LLGL2: variants seen among roughly 807,000 people sequenced by gnomAD.
LLGL2 encodes the protein LLGL scribble cell polarity complex component 2.
Under a neutral mutation model 123.2 loss-of-function variants are expected in LLGL2, and 81 were observed. The observed-to-expected ratio is 0.66, with a 90% CI of 0.55 to 0.79. LLGL2 has a LOEUF of 0.79. Among genes scored for constraint, LLGL2 ranks in the 30% least tolerant of loss-of-function variants. The pLI is 0.00. For synonymous variants in LLGL2, 577 were observed against 594.1 expected (o/e 0.97, Z 0.42); for missense variants, 1,273 against 1,414.6 (o/e 0.90, Z 1.61).
chr17:75,559,180 T>C lies in LLGL2; in HGVS notation c.372-72T>C. 6.9e-7 allele frequency: 1 copy of C among 1,455,974 alleles called. No individual in the cohort carries two copies. Among genetic ancestry groups the C allele is most frequent in the African/African-American group, 1.4e-5 (1 of 70,272 alleles). 90.2% of individuals were successfully genotyped at this position (1,455,974 alleles called of 1,614,324 possible). A position where few individuals can be genotyped will look rare whatever the true frequency, so the allele number is the denominator to read the frequency against. On this transcript the variant is annotated intron_variant, in intron 5 of 25. Coordinates refer to ENST00000392550, the MANE Select transcript of LLGL2 (RefSeq NM_001031803.2). This position sits in a 1 kb window ranked among gnomAD's most constrained non-coding sequence, Gnocchi z 4.6. ...CCTTATGGGCTTGTTTTCCGAGGAG[T>C]CAGGGGACCCCGTCCATGGCATCTC... is the stretch of plus-strand genomic sequence containing the variant.
At chr17:75,562,844 A>T in intron 6 of LLGL2, 172 bp from the exon 7 acceptor site, 1 of 778,896 alleles carries the variant, frequency 1.3e-6, no homozygotes, top group Non-Finnish European at 2.0e-6. Flanking sequence ...TGCTGGGATT[A>T]CAGGCATGAG....
Position 75,559,820 on chromosome 17 carries a change from C to T in LLGL2, c.530+410C>T, listed in dbSNP as rs1423466764. 6.6e-6 allele frequency among the ~76,000 whole-genome samples: 1 copy of T among 152,146 alleles called. No homozygotes were observed. The highest frequency in any genetic ancestry group is 1.5e-5 in the Non-Finnish European group (1 of 68,020). ...GTACTTTGCTGAGGTTCCATTTGCT[C>T]GCAAGCTCCGTGGCTAAAAAGCCTT... On this transcript the variant is annotated intron_variant, in intron 6 of 25. Transcript: ENST00000392550. This position sits in a 1 kb window ranked among gnomAD's most constrained non-coding sequence, Gnocchi z 4.6.
At position 75,569,151 on chromosome 17, in the gene LLGL2, A is replaced by G; in HGVS notation, c.1476+20A>G. ...CGCAAGGTGAGGCCAGGAGCCTGGG[A>G]CCCAGGAAGGGCAGAGGCCAGCTGG... On this transcript the variant is annotated intron_variant, in intron 13 of 25. Transcript: ENST00000392550. The G allele has an allele frequency of 6.2e-7, 1 of 1,612,932 alleles. No homozygotes were observed. The highest frequency in any genetic ancestry group is 8.5e-7 in the Non-Finnish European group (1 of 1,179,628).
At chr17:75,561,920 C>A (rs1407555865) in intron 6 of LLGL2, among the ~76,000 whole-genome samples, 6 of 150,494 alleles carry the variant, frequency 4.0e-5, no homozygotes, top group Non-Finnish European at 5.9e-5. Flanking sequence ...AGACTCCCAT[C>A]TCAAAAAAAA....
rs768335688 is a variant in LLGL2, at chr17:75,563,781, A to G, written c.856A>G (p.Ile286Val). 1.9e-6 allele frequency: 3 copies of G among 1,613,982 alleles called. No individual in the cohort carries two copies. Among genetic ancestry groups the G allele is most frequent in the South Asian group, 2.2e-5 (2 of 91,078 alleles). The change falls in exon 9 of 26, where the codon ATC becomes GTC. Residue 286 changes from isoleucine (I) to valine (V), a missense_variant. Physicochemically the swap from Ile to Val is conservative, Grantham distance 29. Transcript: ENST00000392550. ...GPFPCKAITR[I>V]LWLTTRQGLP... ...CTTTCCTTGCAAAGCGATTACCAGA[A>G]TCCTCTGGCTGACCACTAGGCAGGG...
Position 75,537,697 on chromosome 17 carries a change from CA to C in LLGL2, c.-30-5688del, listed in dbSNP as rs755617927. 3.1e-3 allele frequency among the ~76,000 whole-genome samples: 423 copies of C among 138,142 alleles called. 2 individuals carry two copies. Among genetic ancestry groups the C allele is most frequent in the African/African-American group, 7.0e-3 (264 of 37,768 alleles). The allele number at this position is 138,142 out of a possible 152,430, so 90.6% of individuals were successfully genotyped here. On this transcript the variant is annotated intron_variant, in intron 1 of 25. Transcript: ENST00000392550. ...GGGCGACAGAGCGAGACTCCATCTCCAAAAAAAAAAAATCCCTTAAAACCAT... is the reference window on the plus strand; with the variant it reads ...GGGCGACAGAGCGAGACTCCATCTCCAAAAAAAAAAATCCCTTAAAACCAT...
intron 2 of LLGL2, among the ~76,000 whole-genome samples, chr17:75,545,051 T>C (rs1037014814): frequency 1.3e-5 from 2 of 151,974 alleles, no homozygotes; most frequent in African/African-American, 4.8e-5. Context: ...CTGCCTCCAG[T>C]CTTTCGCTTT....
chr17:75,532,055 T>TAC (rs10526094), intron 1 of LLGL2, among the ~76,000 whole-genome samples: 126 of 93,768 alleles, frequency 1.3e-3, no homozygotes, highest in East Asian at 2.8e-3. Context: ...TATGTATATA[T>TAC]ACACACACAC....
rs1400391420 is a variant in LLGL2, at chr17:75,543,515, A to G, written c.75+14A>G. ...CAGTTTAACAAGGTAAGTTAGGGAG[A>G]GCAGGGAAGATGACCCCCAGGTTTT... On this transcript the variant is annotated intron_variant, in intron 2 of 25. Coordinates refer to ENST00000392550, the MANE Select transcript of LLGL2 (RefSeq NM_001031803.2). The G allele has an allele frequency of 5.6e-6, 9 of 1,604,138 alleles. No individual in the cohort carries two copies. Among genetic ancestry groups the G allele is most frequent in the South Asian group, 1.1e-5 (1 of 89,802 alleles).
In LLGL2 at chr17:75,574,932, C is replaced by T. The variant is rs773110264; in HGVS notation, c.*54C>T. The T allele has an allele frequency of 4.3e-6, 7 of 1,613,316 alleles. No individual in the cohort carries two copies. Among genetic ancestry groups the T allele is most frequent in the African/African-American group, 1.3e-5 (1 of 74,922 alleles). On this transcript the variant is annotated 3_prime_UTR_variant, in exon 26 of 26. Coordinates refer to ENST00000392550, the MANE Select transcript of LLGL2 (RefSeq NM_001031803.2). ...GCACACACTACTACTGATGGCCTTT[C>T]GGGGGTCCCTGCCCCAACCGGAGAG... is the stretch of plus-strand genomic sequence containing the variant.
chr17:75,556,763 A>G (rs1166248134), intron 3 of LLGL2, among the ~76,000 whole-genome samples: 1 of 152,186 alleles, frequency 6.6e-6, no homozygotes, highest in African/African-American at 2.4e-5. Flanking sequence ...TTTAATTTAA[A>G]AAAATTTTTT....
chr17:75,539,252 G>T (rs1050841320), intron 1 of LLGL2, among the ~76,000 whole-genome samples: 2 of 151,962 alleles, frequency 1.3e-5, no homozygotes, highest in Non-Finnish European at 2.9e-5. Context: ...TTAGAGATAG[G>T]GTCTCCCTAT....
chr17:75,529,563 AAAAAT>A (rs748313959), intron 1 of LLGL2, among the ~76,000 whole-genome samples: 5 of 151,852 alleles, frequency 3.3e-5, no homozygotes, highest in Non-Finnish European at 5.9e-5. Flanking sequence ...TTTAAAAACA[AAAAAT>A]AAAAAAAAAT....
intron 2 of LLGL2, among the ~76,000 whole-genome samples, chr17:75,551,696 GT>G (rs1291984087): frequency 2.0e-5 from 3 of 152,162 alleles, no homozygotes; most frequent in African/African-American, 7.2e-5. Flanking sequence ...GTTACAGGCT[GT>G]TTTCTCTGTG....
rs372349081 is a variant in LLGL2 at position 75,573,596 on chromosome 17, C to T, written c.2841C>T (p.Asn947=). The T allele has an allele frequency of 7.2e-5, 116 of 1,611,384 alleles. No homozygotes were observed. The highest frequency in any genetic ancestry group is 1.7e-4 in the Middle Eastern group (1 of 6,024). Residue 947 remains asparagine, a synonymous_variant, in exon 21 of 26, where the codon AAC becomes AAT. Transcript: ENST00000392550. Reference sequence around the variant, plus strand: ...AAACCAAGAACCACCGCCCTGGTAACGGTGCGGGCCCCAAGAAGGCCCCGA... The same window carrying T: ...AAACCAAGAACCACCGCCCTGGTAATGGTGCGGGCCCCAAGAAGGCCCCGA... ...SAETKNHRPG[N]GAGPKKAPSR...
chr17:75,549,752 ACTC>A lies in LLGL2; in HGVS notation c.75+6258_75+6260del, dbSNP rs1228381780. 6.6e-6 allele frequency among the ~76,000 whole-genome samples: 1 copy of A among 151,308 alleles called. No homozygotes were observed. The highest frequency in any genetic ancestry group is 2.0e-4 in the East Asian group (1 of 5,122). ...TCCCACCCCCTGAGGAGTGCCAGGG[ACTC>A]CTCCTCAGGTCCTAGCCCTTGGGCA... On this transcript the variant is annotated intron_variant, in intron 2 of 25. Coordinates refer to ENST00000392550, the MANE Select transcript of LLGL2 (RefSeq NM_001031803.2). The surrounding 1 kb of genome is among the most constrained non-coding windows in gnomAD (Gnocchi z 4.0).
chr17:75,537,529 T>A (rs577921072), intron 1 of LLGL2, among the ~76,000 whole-genome samples: 2 of 152,138 alleles, frequency 1.3e-5, no homozygotes, highest in East Asian at 3.9e-4. Flanking sequence ...ACCACAGCTC[T>A]ACTAAAAATA....
Position 75,556,181 on chromosome 17 carries a change from T to C in LLGL2, c.173+38T>C, listed in dbSNP as rs1341129459. On this transcript the variant is annotated intron_variant, in intron 3 of 25. Coordinates refer to ENST00000392550, the MANE Select transcript of LLGL2 (RefSeq NM_001031803.2). ...CCCTCGCTCCCACTCGGGCAGGGCCTTGGGGTGGGTGAGATTTGGGGAGGG... is the reference window on the plus strand; with the variant it reads ...CCCTCGCTCCCACTCGGGCAGGGCCCTGGGGTGGGTGAGATTTGGGGAGGG... 7 of 1,515,496 alleles carry C rather than the reference T, an allele frequency of 4.6e-6. No individual in the cohort carries two copies. In the African/African-American group the frequency reaches 5.4e-5, roughly 12 times the overall value. 93.9% of individuals were successfully genotyped at this position (1,515,496 alleles called of 1,614,324 possible). A position where few individuals can be genotyped will look rare whatever the true frequency, so the allele number is the denominator to read the frequency against.
intron 10 of LLGL2, 197 bp from the exon 11 acceptor site, chr17:75,568,279 A>G (rs2055532593): frequency 4.2e-6 from 6 of 1,430,394 alleles, no homozygotes; most frequent in African/African-American, 1.4e-5. Flanking sequence ...GGGAGCTCTC[A>G]GCAGCCTTGC....
Sources: gnomAD v4.1 joint callset for allele counts (sites outside exome capture counted in the v4.1 genomes callset) on GRCh38, gnomAD v4.1.1 for gene constraint, Gnocchi (gnomAD v3.1) non-coding constraint, MANE v1.5 for transcripts, NCBI Gene and HGNC (gene_info 2026-07-23, HGNC 2026-07-21) for gene names.